TSC2: variants seen among roughly 807,000 people sequenced by gnomAD.
The protein encoded by TSC2 is tuberin.
Under a neutral mutation model 202.2 loss-of-function variants are expected in TSC2, and 29 were observed. The ratio of observed to expected loss-of-function variants is 0.14; its 90% confidence interval spans 0.11 to 0.20. The LOEUF is 0.20. Ranked by LOEUF, TSC2 falls within the 10% of genes least tolerant of loss-of-function variation. The pLI is 1.00. For missense variants in TSC2, 2,429 were observed against 2,420.0 expected (o/e 1.00, Z -0.08); for synonymous variants, 1,349 against 1,044.0 (o/e 1.29, Z -5.63).
chr16:2,074,065 GCT>G, intron 21 of TSC2, 133 bp from the exon 22 acceptor site: 2 of 1,141,748 alleles, frequency 1.8e-6, no homozygotes, highest in Non-Finnish European at 2.5e-6. Context: ...AGCACTGCTG[GCT>G]CTGCCCCACA....
chr16:2,063,412 T>C (rs984944813), intron 14 of TSC2: 2 of 412,300 alleles, frequency 4.9e-6, no homozygotes, highest in Non-Finnish European at 9.1e-6. Flanking sequence ...ACGTTCACCC[T>C]GTGCACCTGC....
intron 22 of TSC2, chr16:2,075,395 C>T (rs1304692902): frequency 1.9e-5 from 4 of 210,236 alleles, no homozygotes; most frequent in Admixed American, 1.1e-4. Context: ...GGCGTGGTGG[C>T]GGGCGCCTGT....
At chr16:2,081,354 G>T in intron 30 of TSC2, 3 of 585,020 alleles carry the variant, frequency 5.1e-6, no homozygotes, top group South Asian at 3.8e-5. Flanking sequence ...GGACTGTGAG[G>T]CTGTGGGCTG....
intron 11 of TSC2, 192 bp downstream of exon 11, chr16:2,061,005 G>A (rs2086571809): frequency 2.8e-6 from 2 of 715,578 alleles, no homozygotes; most frequent in African/African-American, 1.8e-5. Context: ...CAGACGTGGT[G>A]CATCGTTTAG....
At chr16:2,080,706 A>G (rs59669215) in intron 30 of TSC2, 6,295 of 324,364 alleles carry the variant, frequency 0.019, 117 homozygotes, top group East Asian at 0.046. Flanking sequence ...GGATGGTCTC[A>G]ATCTCCTGAC....
At position 2,079,469 on chromosome 16, in the gene TSC2, C is replaced by T; in HGVS notation, c.3284+41C>T. ...TTTCCTCCGCGCCTGCCAGCCTCGA[C>T]ACCGGCTGTCCCGAGCCCAGGCCCA... On this transcript the variant is annotated intron_variant, in intron 28 of 41. Transcript: ENST00000219476. This position sits in a 1 kb window ranked among gnomAD's most constrained non-coding sequence, Gnocchi z 4.6. 2 of 1,612,046 alleles carry T rather than the reference C, an allele frequency of 1.2e-6. No homozygotes were observed. Among genetic ancestry groups the T allele is most frequent in the East Asian group, 2.2e-5 (1 of 44,854 alleles).
intron 5 of TSC2, 27 bp from the exon 6 acceptor site, chr16:2,055,375 C>G (rs200473689): frequency 1.3e-6 from 2 of 1,595,884 alleles, no homozygotes; most frequent in Non-Finnish European, 1.7e-6. Flanking sequence ...TCGGCGTCCT[C>G]GCAAACTGCC....
At chr16:2,083,260 C>T (rs751467269) in intron 32 of TSC2, 31 of 461,930 alleles carry the variant, frequency 6.7e-5, no homozygotes, top group Non-Finnish European at 1.3e-4. Flanking sequence ...GGAGGGTGAG[C>T]CTCTGCTCTT....
In TSC2 at chr16:2,072,969, G is replaced by A. The variant is rs1278830553; in HGVS notation, c.2341G>A (p.Asp781Asn). 1 of 1,613,418 alleles carries A rather than the reference G, an allele frequency of 6.2e-7. No homozygotes were observed. Among genetic ancestry groups the A allele is most frequent in the African/African-American group, 1.3e-5 (1 of 74,942 alleles). The stretch of plus-strand genomic sequence containing the variant: ...ATTAATCTCTTACCATAACTACCTG[G>A]ACAAAACCAAACAGGTAGGAGGTCA... ...TALISYHNYL[D>N]KTKQREMVYC... is the part of the protein sequence containing the mutation. The change falls in exon 21 of 42, where the codon GAC becomes AAC. Residue 781 changes from aspartate (D) to asparagine (N), a missense_variant. Asp to Asn is a conservative substitution (Grantham distance 23). Coordinates refer to ENST00000219476, the MANE Select transcript of TSC2 (RefSeq NM_000548.5).
intron 16 of TSC2, among the ~76,000 whole-genome samples, chr16:2,070,230 T>C (rs980460602): frequency 6.6e-6 from 1 of 152,176 alleles, no homozygotes; most frequent in Non-Finnish European, 1.5e-5. Context: ...AATGGACTCT[T>C]CCTCACCTGT....
chr16:2,069,277 A>G (rs939327427), intron 16 of TSC2, among the ~76,000 whole-genome samples: 1 of 152,042 alleles, frequency 6.6e-6, no homozygotes, highest in Non-Finnish European at 1.5e-5. Context: ...TGTTGCTTTT[A>G]TGTCATAATA....
chr16:2,081,116 T>C (rs549962112), intron 30 of TSC2: 122 of 240,658 alleles, frequency 5.1e-4, no homozygotes, highest in African/African-American at 2.6e-3. Flanking sequence ...TGAAACCCAG[T>C]CTCCAGAGAC....
chr16:2,070,934 T>A (rs1240432082), intron 17 of TSC2, among the ~76,000 whole-genome samples: 1 of 151,284 alleles, frequency 6.6e-6, no homozygotes, highest in Admixed American at 6.6e-5. Flanking sequence ...AGGGCAGAGC[T>A]GAGAGGGCAG....
Position 2,088,734 on chromosome 16 carries a change from CTT to C in TSC2, c.*126_*127del, listed in dbSNP as rs150008139. The C allele has an allele frequency of 4.4e-5, 59 of 1,334,854 alleles. 1 individual carries two copies. In the Admixed American group the frequency reaches 7.0e-4, roughly 16 times the overall value. 82.7% of individuals were successfully genotyped at this position (1,334,854 alleles called of 1,614,324 possible). ...TGCAGTCAGACAGCTCTTTTATTGA[CTT>C]TGTCTGCTTGGTGCGGGGGTTGGGG... On this transcript the variant is annotated 3_prime_UTR_variant, in exon 42 of 42. Coordinates refer to ENST00000219476, the MANE Select transcript of TSC2 (RefSeq NM_000548.5).
At position 2,048,717 on chromosome 16, in the gene TSC2, A is replaced by C; in HGVS notation, c.102A>C (p.Lys34Asn). Residue 34 changes from lysine (K) to asparagine (N), a missense_variant, in exon 2 of 42, where the codon AAA becomes AAC. Physicochemically the swap from Lys to Asn is moderately conservative, Grantham distance 94. Transcript: ENST00000219476. ...CAAATCCCAGGTCTGCAGAGGGTAA[A>C]CAGACGGAGTTTATCATCACCGCGG... ...PRPNPRSAEG[K>N]QTEFIITAEI... 1.2e-6 allele frequency: 2 copies of C among 1,614,050 alleles called. No individual in the cohort carries two copies. The highest frequency in any genetic ancestry group is 1.7e-6 in the Non-Finnish European group (2 of 1,180,016).
Position 2,084,991 on chromosome 16 carries a change from GACGAGTCA to G in TSC2, c.4536_4543del (p.Asp1512GlufsTer9). 1 of 1,613,254 alleles carries G rather than the reference GACGAGTCA, an allele frequency of 6.2e-7. No individual in the cohort carries two copies. The highest frequency in any genetic ancestry group is 8.5e-7 in the Non-Finnish European group (1 of 1,179,978). ...GCTCTACCATTCCCCCTTCTTTGGC[GACGAGTCA>G]AACAAGCCAATCCTGCTGCCCAATG... On this transcript the variant is annotated frameshift_variant, in exon 35 of 42. Transcript: ENST00000219476. LOFTEE classifies it high-confidence loss of function.
intron 17 of TSC2, 119 bp from the exon 18 acceptor site, chr16:2,071,391 C>G: frequency 1.1e-6 from 1 of 945,982 alleles, no homozygotes; most frequent in Non-Finnish European, 1.7e-6. Context: ...GTGTGCACAT[C>G]AGCAGGTGGC....
At position 2,079,744 on chromosome 16, in the gene TSC2, A is replaced by G. The variant is rs990257627; in HGVS notation, c.3397+75A>G. On this transcript the variant is annotated intron_variant, in intron 29 of 41. Coordinates refer to ENST00000219476, the MANE Select transcript of TSC2 (RefSeq NM_000548.5). This position sits in a 1 kb window ranked among gnomAD's most constrained non-coding sequence, Gnocchi z 4.6. ...TTGCTGCTGGTCCCAGTGTTCAGGA[A>G]GGCCCCGAGCCCAGGGGCCGGGGTG... 1 of 1,463,534 alleles carries G rather than the reference A, an allele frequency of 6.8e-7. No individual in the cohort carries two copies. Among genetic ancestry groups the G allele is most frequent in the Admixed American group, 2.0e-5 (1 of 49,124 alleles). 90.7% of individuals were successfully genotyped at this position (1,463,534 alleles called of 1,614,324 possible).
At position 2,060,821 on chromosome 16, in the gene TSC2, G is replaced by A. The variant is rs1377444061; in HGVS notation, c.1119+8G>A. On this transcript the variant is annotated splice_region_variant and intron_variant, in intron 11 of 41. Transcript: ENST00000219476. ...CTCCTTCAGCAGCTCCAGGTGGGGT[G>A]GGGGCAGGAGCTCCGGGGAGCACCG... The A allele has an allele frequency of 6.2e-7, 1 of 1,613,026 alleles. No individual in the cohort carries two copies. Among genetic ancestry groups the A allele is most frequent in the Non-Finnish European group, 8.5e-7 (1 of 1,179,916 alleles).
Sources: gnomAD v4.1 joint callset for allele counts (sites outside exome capture counted in the v4.1 genomes callset) on GRCh38, gnomAD v4.1.1 for gene constraint, Gnocchi (gnomAD v3.1) non-coding constraint, MANE v1.5 for transcripts, NCBI Gene and HGNC (gene_info 2026-07-23, HGNC 2026-07-21) for gene names.